The following TENT4A variants were observed in gnomAD, a reference collection of about 807,000 sequenced individuals.
The protein encoded by TENT4A is terminal nucleotidyltransferase 4A, also known as DNA polymerase kappa.
Under a neutral mutation model 72.8 loss-of-function variants are expected in TENT4A, and 7 were observed. That is an observed-to-expected ratio of 0.10 (90% confidence interval 0.05 to 0.18). The LOEUF (loss-of-function observed/expected upper bound fraction) is 0.18, where lower values mean the gene tolerates loss of function less well. TENT4A is among the 10% of genes least tolerant of loss of function. The probability of loss-of-function intolerance (pLI) is 1.00; values close to 1 mark genes in which losing one functional copy is unlikely to be tolerated. For missense variants in TENT4A, 831 were observed against 1,017.7 expected (o/e 0.82, Z 2.50); for synonymous variants, 456 against 434.3 (o/e 1.05, Z -0.62).
chr5:6,734,825 C>A (rs1741394382), intron 1 of TENT4A, among the ~76,000 whole-genome samples: 1 of 152,200 alleles, frequency 6.6e-6, no homozygotes, highest in Admixed American at 6.5e-5. Flanking sequence ...GGAGGAATAC[C>A]AGGCCACCCC....
chr5:6,720,187 T>TA (rs1740576104), intron 1 of TENT4A, among the ~76,000 whole-genome samples: 3 of 152,330 alleles, frequency 2.0e-5, no homozygotes, highest in African/African-American at 7.2e-5. Context: ...CTTGTGTTAT[T>TA]GAGTCAGGCT....
chr5:6,717,397 T>C (rs1740441666), intron 1 of TENT4A, among the ~76,000 whole-genome samples: 2 of 152,258 alleles, frequency 1.3e-5, no homozygotes, highest in African/African-American at 4.8e-5. Flanking sequence ...GAGCATTGGC[T>C]GAACCCAGTT....
chr5:6,752,551 G>A (rs1038161609), intron 11 of TENT4A, among the ~76,000 whole-genome samples: 14 of 152,250 alleles, frequency 9.2e-5, no homozygotes, highest in South Asian at 6.2e-4. Context: ...TGAGTTCAGC[G>A]TGTGAGTAGG....
chr5:6,714,888 C>G, intron 1 of TENT4A, 189 bp downstream of exon 1: 1 of 286,464 alleles, frequency 3.5e-6, no homozygotes, highest in Non-Finnish European at 6.4e-6. Flanking sequence ...GAGTGACTTG[C>G]CCAGATCCTA....
At chr5:6,720,186 T>TA (rs1740575907) in intron 1 of TENT4A, among the ~76,000 whole-genome samples, 3 of 152,324 alleles carry the variant, frequency 2.0e-5, no homozygotes, top group African/African-American at 7.2e-5. Flanking sequence ...GCTTGTGTTA[T>TA]TGAGTCAGGC....
At chr5:6,745,221 TC>T in intron 6 of TENT4A, among the ~76,000 whole-genome samples, 1 of 152,336 alleles carries the variant, frequency 6.6e-6, no homozygotes, top group East Asian at 1.9e-4. Flanking sequence ...AGAATCGGAA[TC>T]CTCCTCTTGT....
At chr5:6,729,984 A>C (rs1449206930) in intron 1 of TENT4A, among the ~76,000 whole-genome samples, 1 of 152,122 alleles carries the variant, frequency 6.6e-6, no homozygotes, top group Non-Finnish European at 1.5e-5. Context: ...GAACCAATGC[A>C]GATTCCCAAG....
intron 1 of TENT4A, among the ~76,000 whole-genome samples, chr5:6,722,864 TC>T (rs1162563796): frequency 7.2e-5 from 11 of 152,330 alleles, no homozygotes; most frequent in Middle Eastern, 3.4e-3. Context: ...CAGTAGAACT[TC>T]CTGTGGAGAT....
intron 1 of TENT4A, among the ~76,000 whole-genome samples, chr5:6,722,308 A>T (rs1740692679): frequency 6.6e-6 from 1 of 152,180 alleles, no homozygotes; most frequent in South Asian, 2.1e-4. Context: ...CTTTAAGGAA[A>T]TTGAAACCAA....
At chr5:6,734,130 G>A (rs950066864) in intron 1 of TENT4A, among the ~76,000 whole-genome samples, 17 of 152,222 alleles carry the variant, frequency 1.1e-4, no homozygotes, top group African/African-American at 3.1e-4. Flanking sequence ...GGAGCAGTGC[G>A]CTGTTGCGTC....
chr5:6,755,566 A>G lies in TENT4A; in HGVS notation c.*621A>G, dbSNP rs1742648152. 1 of 152,660 alleles carries G rather than the reference A, an allele frequency of 6.6e-6. No homozygotes were observed. Among genetic ancestry groups the G allele is most frequent in the Admixed American group, 6.5e-5 (1 of 15,284 alleles). 9.5% of individuals were successfully genotyped at this position (152,660 alleles called of 1,614,324 possible). The stretch of plus-strand genomic sequence containing the variant: ...CGAGCTGCATTTTCTAAGTTGGGTC[A>G]TCGTGTCGGCTGGTTGTCTGACGAG... On this transcript the variant is annotated 3_prime_UTR_variant, in exon 13 of 13. Transcript: ENST00000230859.
rs535300591 is a variant in TENT4A at position 6,751,362 on chromosome 5, T to C, written c.2019+165T>C. 449 of 700,032 alleles carry C rather than the reference T, an allele frequency of 6.4e-4. 6 individuals are homozygous for C. In the South Asian group the frequency reaches 8.0e-3, roughly 12 times the overall value. The allele number at this position is 700,032 out of a possible 1,614,324, so 43.4% of individuals were successfully genotyped here. On this transcript the variant is annotated intron_variant, in intron 11 of 12. Transcript: ENST00000230859. ...AGGAAATCCTCTCTTTTTTGTGGTG[T>C]TGAGGTCCCCCATGTATAGTTTCAG...
In TENT4A at chr5:6,754,960, G is replaced by A. The variant is rs368438275; in HGVS notation, c.*15G>A. On this transcript the variant is annotated 3_prime_UTR_variant, in exon 13 of 13. Coordinates refer to ENST00000230859, the MANE Select transcript of TENT4A (RefSeq NM_006999.6). ...TCAGCAGATAATGGCTCCTGGCTGC[G>A]TCAGCCTCCCCCACCCCTCTGCAGA... 81 of 1,559,950 alleles carry A rather than the reference G, an allele frequency of 5.2e-5. 1 individual carries two copies. Among genetic ancestry groups the A allele is most frequent in the Middle Eastern group, 3.4e-4 (2 of 5,880 alleles).
At chr5:6,742,622 G>T (rs377743701) in intron 5 of TENT4A, 25 bp downstream of exon 5, 2 of 1,400,176 alleles carry the variant, frequency 1.4e-6, no homozygotes, top group Non-Finnish European at 1.0e-6. Flanking sequence ...GACCCAGCGC[G>T]GCGAGAGTGC....
chr5:6,742,454 C>A, intron 4 of TENT4A, 36 bp from the exon 5 acceptor site: 2 of 1,333,550 alleles, frequency 1.5e-6, no homozygotes, highest in Non-Finnish European at 2.2e-6. Flanking sequence ...GAGAGTCCTG[C>A]ATGTTAAAGC....
chr5:6,754,842 C>T lies in TENT4A; in HGVS notation c.2276C>T (p.Pro759Leu), dbSNP rs895153826. The change falls in exon 13 of 13, where the codon CCC (proline) becomes CTC (leucine). Residue 759 changes from proline to leucine, a missense_variant. Around this residue, in one of 3 missense-constraint regions of TENT4A, gnomAD observed 332 missense variants for 324.3 expected, o/e 1.02. Coordinates refer to ENST00000230859, the MANE Select transcript of TENT4A (RefSeq NM_006999.6). The part of the protein sequence containing the change: ...YSSVGSGGVR[P>L]PVGNRGHHQY... Reference sequence around the variant, plus strand: ...TCTGTGGGTAGCGGAGGTGTGCGGCCCCCTGTGGGCAACAGGGGACACCAC... The same window carrying T: ...TCTGTGGGTAGCGGAGGTGTGCGGCTCCCTGTGGGCAACAGGGGACACCAC... 5.6e-6 allele frequency: 9 copies of T among 1,610,144 alleles called. No homozygotes were observed. The Admixed American group carries it at 1.2e-4, about 21-fold the overall frequency.
At chr5:6,750,083 ATATT>A (rs1259634616) in intron 9 of TENT4A, among the ~76,000 whole-genome samples, 1 of 152,254 alleles carries the variant, frequency 6.6e-6, no homozygotes, top group Non-Finnish European at 1.5e-5. Context: ...TACTTGATCT[ATATT>A]TAGATTTTAG....
intron 1 of TENT4A, among the ~76,000 whole-genome samples, chr5:6,724,999 C>A (rs144526056): frequency 6.6e-6 from 1 of 152,150 alleles, no homozygotes; most frequent in Admixed American, 6.5e-5. Context: ...TAGAGCAAAG[C>A]GAGAATTGTC....
At chr5:6,736,912 G>C (rs988714865) in intron 1 of TENT4A, among the ~76,000 whole-genome samples, 1 of 152,248 alleles carries the variant, frequency 6.6e-6, no homozygotes, top group Admixed American at 6.5e-5. Flanking sequence ...TGCCTCCAGG[G>C]ACCCTGTTTC....
Sources: allele counts gnomAD v4.1 joint callset (sites outside exome capture counted in the v4.1 genomes callset), GRCh38; gene constraint gnomAD v4.1.1; regional missense constraint gnomAD v4.1.1; transcripts MANE v1.5; gene names NCBI Gene and HGNC (gene_info 2026-07-23, HGNC 2026-07-21).